The following MMACHC variants were observed in gnomAD, a reference collection of about 807,000 sequenced individuals.
The protein encoded by MMACHC is cyanocobalamin reductase / alkylcobalamin dealkylase.
A neutral mutation model predicts 17.6 loss-of-function variants in MMACHC; 14 were observed. That is an observed-to-expected ratio of 0.80 (90% CI 0.53 to 1.25). The LOEUF (loss-of-function observed/expected upper bound fraction) is 1.25. MMACHC is among the 50% of genes most tolerant of loss of function. The probability of loss-of-function intolerance (pLI) is 0.00; values close to 1 mark genes in which losing one functional copy is unlikely to be tolerated. For missense variants in MMACHC, 392 were observed against 364.5 expected (o/e 1.08, Z -0.62); for synonymous variants, 151 against 142.1 (o/e 1.06, Z -0.45).
rs1413196119 is a variant in MMACHC at position 45,511,325 on chromosome 1, G to C, written c.*2110G>C. ...CGCAGCCTGGCACTAAAACAGCCCA[G>C]CGCTCACTTCTGCTTGGAGAAATAT... On this transcript the variant is annotated 3_prime_UTR_variant, in exon 4 of 4. Coordinates refer to ENST00000401061, the MANE Select transcript of MMACHC (RefSeq NM_015506.3). 6.2e-7 allele frequency: 1 copy of C among 1,608,056 alleles called. No homozygotes were observed. The highest frequency in any genetic ancestry group is 2.2e-5 in the East Asian group (1 of 44,606).
intron 1 of MMACHC, among the ~76,000 whole-genome samples, chr1:45,502,431 T>G (rs1330406764): frequency 6.6e-6 from 1 of 151,960 alleles, no homozygotes; most frequent in Non-Finnish European, 1.5e-5. Flanking sequence ...ACACTCAGGG[T>G]CTCACTTTGT....
In MMACHC at chr1:45,504,333, T is replaced by G. The variant is rs139206499; in HGVS notation, c.82-3023T>G. Reference sequence around the variant, plus strand: ...CGGGAGGCTGAGGCAGGAGAATCACTTGAACCCAGGAGGCAGAGGTTGCAG... The same window carrying G: ...CGGGAGGCTGAGGCAGGAGAATCACGTGAACCCAGGAGGCAGAGGTTGCAG... On this transcript the variant is annotated intron_variant, in intron 1 of 3. Coordinates refer to ENST00000401061, the MANE Select transcript of MMACHC (RefSeq NM_015506.3). Among the ~76,000 whole-genome samples the G allele has an allele frequency of 9.2e-5, 14 of 152,182 alleles. No homozygotes were observed. In the East Asian group the frequency reaches 2.5e-3, roughly 27 times the overall value.
At chr1:45,508,597 G>A (rs1215267459) in intron 3 of MMACHC, among the ~76,000 whole-genome samples, 199 bp from the exon 4 acceptor site, 1 of 152,226 alleles carries the variant, frequency 6.6e-6, no homozygotes, top group Non-Finnish European at 1.5e-5. Flanking sequence ...GCAGTGTTAA[G>A]ACTAGTGGTG....
chr1:45,508,379 G>T lies in MMACHC; in HGVS notation c.429+15G>T. 6.2e-7 allele frequency: 1 copy of T among 1,614,038 alleles called. No individual in the cohort carries two copies. Among genetic ancestry groups the T allele is most frequent in the Non-Finnish European group, 8.5e-7 (1 of 1,179,950 alleles). ...GGGGGAACCAGGTGAGAGGGAAAAT[G>T]TAAATAGAGGCTGAGATAGACTGGT... On this transcript the variant is annotated intron_variant, in intron 3 of 3. Coordinates refer to ENST00000401061, the MANE Select transcript of MMACHC (RefSeq NM_015506.3).
intron 1 of MMACHC, among the ~76,000 whole-genome samples, chr1:45,501,507 G>A (rs1047067307): frequency 1.3e-4 from 20 of 152,154 alleles, no homozygotes; most frequent in African/African-American, 4.8e-4. Flanking sequence ...TGAAAAGATA[G>A]ATTGGAAGGA....
Position 45,512,322 on chromosome 1 carries a change from C to T in MMACHC, c.*3107C>T, listed in dbSNP as rs1643768537. On this transcript the variant is annotated 3_prime_UTR_variant, in exon 4 of 4. Transcript: ENST00000401061. ...GCGCGATCTCAGCTCACTGCAAGCT[C>T]CACCTCCGGGGTTCATGCCATTCTC... 1 of 150,644 alleles carries T rather than the reference C, an allele frequency of 6.6e-6. No homozygotes were observed. The highest frequency in any genetic ancestry group is 1.5e-5 in the Non-Finnish European group (1 of 67,826). 9.3% of individuals were successfully genotyped at this position (150,644 alleles called of 1,614,324 possible). A position where few individuals can be genotyped will look rare whatever the true frequency, so the allele number is the denominator to read the frequency against.
chr1:45,507,414 C>T lies in MMACHC; in HGVS notation c.140C>T (p.Thr47Ile), dbSNP rs200920274. The part of the protein sequence containing the change: ...PAFHLPLPGP[T>I]LAFLVLSTPA... ...TTCCACCTACCGCTGCCAGGACCTA[C>T]CCTGGCCTTCCTGGTACTCAGCACG... Residue 47 changes from threonine to isoleucine, a missense_variant, in exon 2 of 4, where the codon ACC becomes ATC. Thr to Ile is a moderately conservative substitution (Grantham distance 89). Coordinates refer to ENST00000401061, the MANE Select transcript of MMACHC (RefSeq NM_015506.3). 12 of 1,614,058 alleles carry T rather than the reference C, an allele frequency of 7.4e-6. No individual in the cohort carries two copies. The highest frequency in any genetic ancestry group is 9.3e-6 in the Non-Finnish European group (11 of 1,180,036).
At chr1:45,506,794 T>TC (rs1643627451) in intron 1 of MMACHC, among the ~76,000 whole-genome samples, 1 of 151,988 alleles carries the variant, frequency 6.6e-6, no homozygotes, top group African/African-American at 2.4e-5. Flanking sequence ...GCGGGGTTTT[T>TC]CATTTTCATT....
Position 45,510,183 on chromosome 1 carries a change from C to G in MMACHC, c.*968C>G, listed in dbSNP as rs1356472281. On this transcript the variant is annotated 3_prime_UTR_variant, in exon 4 of 4. Coordinates refer to ENST00000401061, the MANE Select transcript of MMACHC (RefSeq NM_015506.3). ...ATAGTAAGCAGTATGTTGGCCATTA[C>G]CAAAGGCCCTGGGAATTCTGTACTG... The G allele has an allele frequency of 1.3e-5, 2 of 151,998 alleles. No individual in the cohort carries two copies. The highest frequency in any genetic ancestry group is 4.8e-5 in the African/African-American group (2 of 41,344). 9.4% of individuals were successfully genotyped at this position (151,998 alleles called of 1,614,324 possible).
rs1643693519 is a variant in MMACHC at position 45,509,287 on chromosome 1, T to C, written c.*72T>C. ...TAATTGGCTTTGGCAAAGCAAAAGG[T>C]TTTGAGTACAAGATTACTATTTTTG... On this transcript the variant is annotated 3_prime_UTR_variant, in exon 4 of 4. Coordinates refer to ENST00000401061, the MANE Select transcript of MMACHC (RefSeq NM_015506.3). The C allele has an allele frequency of 7.8e-6, 12 of 1,532,672 alleles. No homozygotes were observed. Among genetic ancestry groups the C allele is most frequent in the Non-Finnish European group, 1.1e-5 (12 of 1,107,562 alleles). The allele number at this position is 1,532,672 out of a possible 1,614,324, so 94.9% of individuals were successfully genotyped here. A position where few individuals can be genotyped will look rare whatever the true frequency, so the allele number is the denominator to read the frequency against.
At chr1:45,504,824 G>GT (rs1199518882) in intron 1 of MMACHC, among the ~76,000 whole-genome samples, 2 of 152,188 alleles carry the variant, frequency 1.3e-5, no homozygotes, top group South Asian at 2.1e-4. Context: ...GATAAAAATG[G>GT]TTTTTTTGGC....
In MMACHC at chr1:45,509,165, C is replaced by T. The variant is rs34258482; in HGVS notation, c.799C>T (p.Arg267Trp). 136 of 1,613,954 alleles carry T rather than the reference C, an allele frequency of 8.4e-5. 2 individuals carry two copies. The East Asian group carries it at 2.3e-3, about 28-fold the overall frequency. Reference protein sequence around the residue: ...PKKPGNPSRARSWLSPRVSPP... With the variant: ...PKKPGNPSRAWSWLSPRVSPP... ...GAAGCCTGGGAATCCCAGCAGAGCCCGGAGCTGGCTCAGCCCCAGGGTCTC... is the reference window on the plus strand; with the variant it reads ...GAAGCCTGGGAATCCCAGCAGAGCCTGGAGCTGGCTCAGCCCCAGGGTCTC... Residue 267 changes from arginine to tryptophan, a missense_variant, in exon 4 of 4, where the codon CGG becomes TGG. Coordinates refer to ENST00000401061, the MANE Select transcript of MMACHC (RefSeq NM_015506.3).
Position 45,507,455 on chromosome 1 carries a change from C to G in MMACHC, c.181C>G (p.Arg61Gly). The part of the protein sequence containing the change: ...LVLSTPAMFD[R>G]ALKPFLQSCH... ...ACTCAGCACGCCTGCCATGTTTGAC[C>G]GGGCCCTCAAGCCCTTCTTGCAGAG... The change falls in exon 2 of 4, where the codon CGG becomes GGG. Residue 61 changes from arginine to glycine, a missense_variant. By Grantham distance (125) the Arg-to-Gly change is moderately radical. Transcript: ENST00000401061. 2.5e-6 allele frequency: 4 copies of G among 1,614,134 alleles called. No homozygotes were observed. The highest frequency in any genetic ancestry group is 3.4e-6 in the Non-Finnish European group (4 of 1,180,008).
In MMACHC at chr1:45,507,372, A is replaced by G. The variant is rs367990231; in HGVS notation, c.98A>G (p.Glu33Gly). ...VYPFQVAWYNELLPPAFHLPL... is the reference protein window; with the variant it reads ...VYPFQVAWYNGLLPPAFHLPL... ...CTGTTTCAGGTGGCATGGTACAATG[A>G]ACTCTTGCCTCCAGCCTTCCACCTA... The change falls in exon 2 of 4, where the codon GAA becomes GGA. Residue 33 changes from glutamate (E) to glycine (G), a missense_variant. By Grantham distance (98) the Glu-to-Gly change is moderately conservative (BLOSUM62 -2). Coordinates refer to ENST00000401061, the MANE Select transcript of MMACHC (RefSeq NM_015506.3). The G allele has an allele frequency of 5.0e-6, 8 of 1,613,946 alleles. No individual in the cohort carries two copies. The African/African-American group carries it at 6.7e-5, about 13-fold the overall frequency.
chr1:45,503,104 T>A (rs1177174421), intron 1 of MMACHC, among the ~76,000 whole-genome samples: 1 of 152,172 alleles, frequency 6.6e-6, no homozygotes, highest in Non-Finnish European at 1.5e-5. Flanking sequence ...GTTCTGCCTA[T>A]TAGAACTTTC....
intron 1 of MMACHC, among the ~76,000 whole-genome samples, chr1:45,505,996 G>A (rs1183737274): frequency 6.6e-6 from 1 of 151,880 alleles, no homozygotes; most frequent in Non-Finnish European, 1.5e-5. Context: ...CTTTTGATCT[G>A]TCTGTATGGA....
At chr1:45,503,014 C>G (rs12123350) in intron 1 of MMACHC, among the ~76,000 whole-genome samples, 10,664 of 152,212 alleles carry the variant, frequency 0.07, 460 homozygotes, top group Non-Finnish European at 0.1. Flanking sequence ...CACAAGGAAG[C>G]CTTTTCTAAT....
rs761677419 is a variant in MMACHC, at chr1:45,509,155, C to T, written c.789C>T (p.Pro263=). ...CCGCCCCCAAGAAGCCTGGGAATCC[C>T]AGCAGAGCCCGGAGCTGGCTCAGCC... ...TTPAPKKPGN[P]SRARSWLSPR... The change falls in exon 4 of 4, where the codon CCC becomes CCT. Residue 263 remains proline, a synonymous_variant. Transcript: ENST00000401061. The T allele has an allele frequency of 6.2e-7, 1 of 1,613,566 alleles. No individual in the cohort carries two copies. Among genetic ancestry groups the T allele is most frequent in the Non-Finnish European group, 8.5e-7 (1 of 1,179,822 alleles).
At chr1:45,504,494 C>A (rs1470555001) in intron 1 of MMACHC, among the ~76,000 whole-genome samples, 3 of 152,170 alleles carry the variant, frequency 2.0e-5, no homozygotes. Context: ...ACAAGAAAGT[C>A]TGTCAAAAGC....
Sources: gnomAD v4.1 joint callset for allele counts (sites outside exome capture counted in the v4.1 genomes callset) on GRCh38, gnomAD v4.1.1 for gene constraint, MANE v1.5 for transcripts, NCBI Gene and HGNC (gene_info 2026-07-23, HGNC 2026-07-21) for gene names.